SLC35F3: variants seen among roughly 807,000 people sequenced by gnomAD.
SLC35F3 encodes the protein solute carrier family 35 member F3, also known as putative thiamine transporter SLC35F3.
Under a neutral mutation model 49.9 loss-of-function variants are expected in SLC35F3, and 25 were observed. The observed-to-expected ratio is 0.50, with a 90% CI of 0.37 to 0.70. SLC35F3 has a LOEUF of 0.70. Ranked by LOEUF, SLC35F3 falls within the 30% of genes least tolerant of loss-of-function variation. SLC35F3 has a pLI of 0.00. For synonymous variants in SLC35F3, 275 were observed against 265.4 expected (o/e 1.04, Z -0.35); for missense variants, 525 against 639.8 (o/e 0.82, Z 1.94).
chr1:233,977,117 G>A (rs1274914275), intron 2 of SLC35F3, among the ~76,000 whole-genome samples: 1 of 152,182 alleles, frequency 6.6e-6, no homozygotes, highest in African/African-American at 2.4e-5. Flanking sequence ...AGCTCAGCCA[G>A]CAGTGTCCCA....
intron 6 of SLC35F3, 134 bp downstream of exon 6, chr1:234,319,077 C>A (rs1572151500): frequency 1.3e-6 from 1 of 760,114 alleles, no homozygotes. Context: ...TAAGATCTTT[C>A]TGTTTCACAA....
chr1:234,302,170 T>A (rs576489054), intron 3 of SLC35F3, among the ~76,000 whole-genome samples: 1 of 152,096 alleles, frequency 6.6e-6, no homozygotes, highest in African/African-American at 2.4e-5. Flanking sequence ...TTGTTGTTGT[T>A]TTTTTTAAGA....
intron 2 of SLC35F3, among the ~76,000 whole-genome samples, chr1:234,218,498 A>G (rs7533838): frequency 0.17 from 25,450 of 152,148 alleles, 3,516 homozygotes; most frequent in African/African-American, 0.38. Context: ...AATGCCTCCT[A>G]TATTGCAGGT....
chr1:234,147,796 A>G (rs1332720109), intron 2 of SLC35F3, among the ~76,000 whole-genome samples: 2 of 152,190 alleles, frequency 1.3e-5, no homozygotes, highest in African/African-American at 4.8e-5. Context: ...TTCATTGTGA[A>G]TCTGAATGAC....
chr1:234,067,898 G>A (rs1330391797), intron 2 of SLC35F3, among the ~76,000 whole-genome samples: 3 of 152,170 alleles, frequency 2.0e-5, no homozygotes, highest in Non-Finnish European at 2.9e-5. Flanking sequence ...CATGCACAAG[G>A]CCTCTGCCAT....
chr1:233,925,250 A>G (rs1483398980), intron 2 of SLC35F3, among the ~76,000 whole-genome samples: 2 of 152,090 alleles, frequency 1.3e-5, no homozygotes, highest in African/African-American at 4.8e-5. Flanking sequence ...GTCTCCCATT[A>G]TTATTGTGTG....
At chr1:234,181,338 G>GAAAAAAAAAAA (rs34757532) in intron 2 of SLC35F3, among the ~76,000 whole-genome samples, 2 of 97,310 alleles carry the variant, frequency 2.1e-5, no homozygotes, top group Non-Finnish European at 4.2e-5. Flanking sequence ...TCTGTCTCAA[G>GAAAAAAAAAAA]AAAAAAAAAA....
chr1:234,271,330 G>A (rs991236654), intron 3 of SLC35F3, among the ~76,000 whole-genome samples: 5 of 152,000 alleles, frequency 3.3e-5, no homozygotes, highest in Admixed American at 2.0e-4. Flanking sequence ...CATATACAGG[G>A]CACCTATAGT....
chr1:234,067,483 G>A (rs1312289347), intron 2 of SLC35F3, among the ~76,000 whole-genome samples: 2 of 152,162 alleles, frequency 1.3e-5, no homozygotes, highest in African/African-American at 2.4e-5. Flanking sequence ...GTCCGCATCC[G>A]TGAGTGGTCT....
intron 2 of SLC35F3, among the ~76,000 whole-genome samples, chr1:234,108,696 T>G (rs58036541): frequency 1.5e-3 from 161 of 108,098 alleles, no homozygotes; most frequent in African/African-American, 3.4e-3. Context: ...ATATATAAAA[T>G]ATATATTATA....
At chr1:233,918,093 T>G (rs1166816520) in intron 2 of SLC35F3, among the ~76,000 whole-genome samples, 3 of 152,232 alleles carry the variant, frequency 2.0e-5, no homozygotes, top group Admixed American at 2.0e-4. Flanking sequence ...CTGATCTTGA[T>G]CCCCACCTTT....
At chr1:234,321,046 C>CCA (rs60364575) in intron 7 of SLC35F3, among the ~76,000 whole-genome samples, 23 of 139,484 alleles carry the variant, frequency 1.6e-4, no homozygotes, top group African/African-American at 3.1e-4. Flanking sequence ...TGCCCCCCCC[C>CCA]CACCCCAAAG....
chr1:234,015,770 A>G (rs1200911709), intron 2 of SLC35F3, among the ~76,000 whole-genome samples: 1 of 152,228 alleles, frequency 6.6e-6, no homozygotes, highest in East Asian at 1.9e-4. Context: ...TTTGACTCCA[A>G]ATGCTCCAGT....
chr1:234,045,135 T>C (rs1179761664), intron 2 of SLC35F3, among the ~76,000 whole-genome samples: 1 of 152,194 alleles, frequency 6.6e-6, no homozygotes, highest in African/African-American at 2.4e-5. Flanking sequence ...CTCCTATAGC[T>C]GAAGTGCTGG....
chr1:234,162,822 G>A (rs1459523930), intron 2 of SLC35F3, among the ~76,000 whole-genome samples: 1 of 152,220 alleles, frequency 6.6e-6, no homozygotes, highest in African/African-American at 2.4e-5. Context: ...AACCCTGTCT[G>A]TTTGCCTGGG....
intron 2 of SLC35F3, among the ~76,000 whole-genome samples, chr1:234,171,757 AT>A (rs1269510495): frequency 3.3e-5 from 5 of 152,210 alleles, no homozygotes; most frequent in Admixed American, 2.0e-4. Flanking sequence ...AGTGTTCTAT[AT>A]TACTGTAGAA....
intron 3 of SLC35F3, among the ~76,000 whole-genome samples, chr1:234,300,889 A>G (rs1668682257): frequency 6.6e-6 from 1 of 152,256 alleles, no homozygotes; most frequent in African/African-American, 2.4e-5. Context: ...GAATAAGGGC[A>G]TGGGCCAGGG....
At chr1:234,322,918 C>A in intron 7 of SLC35F3, 90 bp from the exon 8 acceptor site, 1 of 1,050,718 alleles carries the variant, frequency 9.5e-7, no homozygotes, top group Non-Finnish European at 1.4e-6. Flanking sequence ...CACTGCCAGA[C>A]AGAGGAGGGT....
At chr1:234,170,963 G>A (rs1438882437) in intron 2 of SLC35F3, among the ~76,000 whole-genome samples, 4 of 152,188 alleles carry the variant, frequency 2.6e-5, no homozygotes, top group Non-Finnish European at 5.9e-5. Context: ...CTCACAGTTA[G>A]CTCACTTAAG....
Sources: gnomAD v4.1 joint callset for allele counts (sites outside exome capture counted in the v4.1 genomes callset) on GRCh38, gnomAD v4.1.1 for gene constraint, MANE v1.5 for transcripts, NCBI Gene and HGNC (gene_info 2026-07-23, HGNC 2026-07-21) for gene names.